The following TPO variants were observed in gnomAD, a reference collection of about 807,000 sequenced individuals.
The protein encoded by TPO is thyroid peroxidase, also known as thyroid microsomal antigen.
A neutral mutation model predicts 96.9 loss-of-function variants in TPO; 78 were observed. The observed-to-expected ratio is 0.81, with a 90% CI of 0.67 to 0.97. The LOEUF is 0.97. TPO is among the 50% of genes least tolerant of loss of function. TPO has a pLI of 0.00. For synonymous variants in TPO, 547 were observed against 538.0 expected, an observed-to-expected ratio of 1.02 and a Z score of -0.23; for missense variants, 1,252 against 1,274.8, an observed-to-expected ratio of 0.98 and a Z score of 0.27.
rs1014208534 is a variant in TPO, at chr2:1,474,055, A to G, written c.820-3031A>G. The stretch of plus-strand genomic sequence containing the variant: ...ACTGAGATAGTACTAAGTACCAACA[A>G]TGATAGCGGGAGTTTCTGCTAGTCC... On this transcript the variant is annotated intron_variant, in intron 7 of 16. Coordinates refer to ENST00000329066, the MANE Select transcript of TPO (RefSeq NM_001206744.2). 2.0e-5 allele frequency among the ~76,000 whole-genome samples: 3 copies of G among 152,188 alleles called. No individual in the cohort carries two copies. The East Asian group carries it at 5.8e-4, about 29-fold the overall frequency.
intron 15 of TPO, among the ~76,000 whole-genome samples, chr2:1,539,563 G>A (rs969682732): frequency 6.6e-6 from 1 of 152,190 alleles, no homozygotes; most frequent in Non-Finnish European, 1.5e-5. Flanking sequence ...GTCGGAGTCC[G>A]CAAGGGTGGG....
chr2:1,434,944 T>C (rs1397519439), intron 4 of TPO, among the ~76,000 whole-genome samples: 3 of 152,148 alleles, frequency 2.0e-5, no homozygotes, highest in Non-Finnish European at 4.4e-5. Context: ...TTCTTCTTTT[T>C]TTTTGTTGAG....
intron 5 of TPO, among the ~76,000 whole-genome samples, chr2:1,452,224 C>T (rs142118977): frequency 3.9e-5 from 6 of 152,212 alleles, no homozygotes; most frequent in East Asian, 3.9e-4. Flanking sequence ...TTAATAAGCA[C>T]GGATCTATGA....
intron 1 of TPO, among the ~76,000 whole-genome samples, chr2:1,382,151 G>A (rs1030868697): frequency 3.3e-5 from 5 of 152,106 alleles, no homozygotes; most frequent in Admixed American, 2.0e-4. Context: ...GGCCACCGGC[G>A]ATGCCCACGT....
At chr2:1,538,266 C>A (rs560893891) in intron 15 of TPO, among the ~76,000 whole-genome samples, 1 of 152,136 alleles carries the variant, frequency 6.6e-6, no homozygotes, top group Non-Finnish European at 1.5e-5. Flanking sequence ...GTTAATATTT[C>A]TCATCTTAAG....
At chr2:1,426,793 A>C (rs1664457369) in intron 3 of TPO, among the ~76,000 whole-genome samples, 2 of 152,240 alleles carry the variant, frequency 1.3e-5, no homozygotes, top group African/African-American at 4.8e-5. Context: ...AGTTTTAATA[A>C]TAATAAAATA....
chr2:1,486,835 G>A (rs1370121206), intron 9 of TPO, among the ~76,000 whole-genome samples: 2 of 152,134 alleles, frequency 1.3e-5, no homozygotes, highest in Non-Finnish European at 2.9e-5. Flanking sequence ...CAGTGCGTCC[G>A]GCGATACCTG....
At position 1,496,231 on chromosome 2, in the gene TPO, G is replaced by A. The variant is rs745903761; in HGVS notation, c.2215+34G>A. On this transcript the variant is annotated intron_variant, in intron 12 of 16. Transcript: ENST00000329066. Reference sequence around the variant, plus strand: ...CGGTCTCCTCTCACACCACGTTACAGCACGTGCATCTCATCAAACAAAGCT... The same window carrying A: ...CGGTCTCCTCTCACACCACGTTACAACACGTGCATCTCATCAAACAAAGCT... 5.0e-6 allele frequency: 8 copies of A among 1,602,022 alleles called. No individual in the cohort carries two copies. The South Asian group carries it at 8.9e-5, about 18-fold the overall frequency.
chr2:1,507,492 C>A (rs577821171), intron 14 of TPO, among the ~76,000 whole-genome samples: 6 of 152,114 alleles, frequency 3.9e-5, no homozygotes, highest in Admixed American at 2.0e-4. Flanking sequence ...TCATTTTCAC[C>A]ATATTGATTC....
intron 15 of TPO, among the ~76,000 whole-genome samples, chr2:1,523,423 G>A (rs1195382698): frequency 2.2e-5 from 3 of 137,878 alleles, no homozygotes; most frequent in African/African-American, 8.3e-5. Context: ...CTCCCACTCT[G>A]TGCAACCTCC....
intron 8 of TPO, 99 bp from the exon 9 acceptor site, chr2:1,484,497 C>T: frequency 6.6e-7 from 1 of 1,522,030 alleles, no homozygotes. Context: ...GGTCCAGTTC[C>T]CTGGGGCTGT....
At chr2:1,484,539 A>T in intron 8 of TPO, 57 bp from the exon 9 acceptor site, 1 of 1,612,206 alleles carries the variant, frequency 6.2e-7, no homozygotes, top group East Asian at 2.2e-5. Flanking sequence ...CTGCCGCTCG[A>T]GGCGACCCTC....
At chr2:1,489,953 G>A (rs1418759654) in intron 10 of TPO, among the ~76,000 whole-genome samples, 1 of 117,146 alleles carries the variant, frequency 8.5e-6, no homozygotes, top group East Asian at 2.5e-4. Context: ...ACAGAGCAGT[G>A]TAAGAGCCGC....
chr2:1,495,015 A>G (rs1672186731), intron 11 of TPO, among the ~76,000 whole-genome samples: 1 of 152,294 alleles, frequency 6.6e-6, no homozygotes, highest in African/African-American at 2.4e-5. Flanking sequence ...GGGACATGGG[A>G]AGCCACTCGC....
intron 5 of TPO, among the ~76,000 whole-genome samples, chr2:1,439,706 C>A (rs573795118): frequency 6.6e-6 from 1 of 152,132 alleles, no homozygotes; most frequent in Non-Finnish European, 1.5e-5. Context: ...GAGACTCCCC[C>A]TCTCCCCCTC....
chr2:1,453,060 A>C (rs1019090400), intron 5 of TPO, among the ~76,000 whole-genome samples: 1 of 152,248 alleles, frequency 6.6e-6, no homozygotes. Context: ...GTCATCGCCA[A>C]ATCAAACAGC....
At chr2:1,455,362 C>A (rs1667692082) in intron 6 of TPO, among the ~76,000 whole-genome samples, 1 of 152,196 alleles carries the variant, frequency 6.6e-6, no homozygotes, top group Admixed American at 6.5e-5. Context: ...ATGCTCACCC[C>A]ATTCCAAGGT....
intron 15 of TPO, among the ~76,000 whole-genome samples, chr2:1,530,092 C>G (rs941998736): frequency 2.1e-5 from 3 of 142,846 alleles, no homozygotes; most frequent in African/African-American, 8.1e-5. Context: ...CTCAAATCCC[C>G]CCACTGTTTG....
At position 1,482,221 on chromosome 2, in the gene TPO, G is replaced by A. The variant is rs151144337; in HGVS notation, c.1339-2375G>A. Among the ~76,000 whole-genome samples the A allele has an allele frequency of 8.5e-3, 1,297 of 152,284 alleles. 23 individuals carry two copies. The highest frequency in any genetic ancestry group is 0.029 in the African/African-American group (1,221 of 41,564). ...AAGGATCGCATCTCCAGGTCTCTTC[G>A]TCCTGGTCTCCCCGTGTGCTGGGGT... On this transcript the variant is annotated intron_variant, in intron 8 of 16. Transcript: ENST00000329066.
Sources: allele counts gnomAD v4.1 joint callset (sites outside exome capture counted in the v4.1 genomes callset), GRCh38; gene constraint gnomAD v4.1.1; transcripts MANE v1.5; gene names NCBI Gene and HGNC (gene_info 2026-07-23, HGNC 2026-07-21).